ASCC3: variants seen among roughly 807,000 people sequenced by gnomAD.
ASCC3 encodes the protein activating signal cointegrator 1 complex subunit 3.
A neutral mutation model predicts 256.3 loss-of-function variants in ASCC3; 158 were observed. The observed-to-expected ratio is 0.62, with a 90% CI of 0.54 to 0.70. ASCC3 has a LOEUF of 0.70. Among genes scored for constraint, ASCC3 ranks in the 30% least tolerant of loss-of-function variants. ASCC3 has a pLI of 0.00. For synonymous variants in ASCC3, 948 were observed against 883.4 expected, an observed-to-expected ratio of 1.07 and a Z score of -1.30; for missense variants, 2,259 against 2,626.0, an observed-to-expected ratio of 0.86 and a Z score of 3.05.
rs371924783 is a variant in ASCC3, at chr6:100,589,606, G to A, written c.5550+28C>T. 76 of 1,611,916 alleles carry A rather than the reference G, an allele frequency of 4.7e-5. No homozygotes were observed. In the African/African-American group the frequency reaches 8.8e-4, roughly 19 times the overall value. ...AAACTTTAAGCCCTAAATTAAAAGAGAAGATATGAAATATATGAAAAACTC... is the reference window on the plus strand; with the variant it reads ...AAACTTTAAGCCCTAAATTAAAAGAAAAGATATGAAATATATGAAAAACTC... On this transcript the variant is annotated intron_variant, in intron 36 of 41. Coordinates refer to ENST00000369162, the MANE Select transcript of ASCC3 (RefSeq NM_006828.4).
At chr6:100,546,015 A>G (rs930364081) in intron 36 of ASCC3, among the ~76,000 whole-genome samples, 11 of 152,184 alleles carry the variant, frequency 7.2e-5, no homozygotes, top group African/African-American at 2.4e-4. Flanking sequence ...ATGACCATCA[A>G]TGTAGAAAGT....
intron 36 of ASCC3, among the ~76,000 whole-genome samples, chr6:100,552,232 G>C (rs1731434664): frequency 6.6e-6 from 1 of 151,746 alleles, no homozygotes; most frequent in Non-Finnish European, 1.5e-5. Context: ...ATTGAATTTT[G>C]TTCTACAGTT....
intron 10 of ASCC3, among the ~76,000 whole-genome samples, chr6:100,731,224 A>G (rs1779889764): frequency 6.6e-6 from 1 of 152,178 alleles, no homozygotes; most frequent in African/African-American, 2.4e-5. Context: ...TGAACATGTA[A>G]AAAAATACTT....
intron 14 of ASCC3, among the ~76,000 whole-genome samples, chr6:100,666,854 CA>C (rs1377080368): frequency 4.0e-5 from 6 of 148,706 alleles, no homozygotes; most frequent in South Asian, 2.1e-4. Flanking sequence ...CACTAACAGA[CA>C]AAAAAAAAGC....
At chr6:100,746,114 T>G (rs1031232691) in intron 10 of ASCC3, among the ~76,000 whole-genome samples, 10 of 86,796 alleles carry the variant, frequency 1.2e-4, no homozygotes, top group African/African-American at 4.0e-4. Flanking sequence ...CAGTTAACTT[T>G]CAGGTAAAAT....
rs1765510441 is a variant in ASCC3, at chr6:100,725,647, A to C, written c.1794T>G (p.Asp598Glu). The C allele has an allele frequency of 6.2e-7, 1 of 1,612,500 alleles. No individual in the cohort carries two copies. Residue 598 changes from aspartate (D) to glutamate (E), a missense_variant, in exon 11 of 42, where the codon GAT (aspartate) becomes GAG (glutamate). Asp to Glu is a conservative substitution (Grantham distance 45). Transcript: ENST00000369162. ...GCCTTACAATCTGGGAAAGAGCTACATCCCCAACACTCTTTCTTGTCACTA... is the reference window on the plus strand; with the variant it reads ...GCCTTACAATCTGGGAAAGAGCTACCTCCCCAACACTCTTTCTTGTCACTA... ...WDVVTRKSVG[D>E]VALSQIVRLL... is the part of the protein sequence containing the mutation.
chr6:100,645,552 A>C (rs1477975157), intron 22 of ASCC3, among the ~76,000 whole-genome samples: 1 of 152,082 alleles, frequency 6.6e-6, no homozygotes, highest in Non-Finnish European at 1.5e-5. Context: ...CTTTACAATA[A>C]CGTGTGAAAT....
chr6:100,646,522 G>A (rs1582627231), intron 22 of ASCC3, 93 bp downstream of exon 22: 1 of 1,329,158 alleles, frequency 7.5e-7, no homozygotes, highest in East Asian at 2.4e-5. Flanking sequence ...ATTCTTTTTA[G>A]AGGATTTTCT....
intron 3 of ASCC3, chr6:100,856,856 T>G (rs1280386131): frequency 2.7e-4 from 41 of 152,164 alleles, no homozygotes; most frequent in Admixed American, 2.7e-3. Context: ...ATGAACTGGG[T>G]TGTTTCTACA....
At chr6:100,729,424 T>A (rs1358758470) in intron 10 of ASCC3, among the ~76,000 whole-genome samples, 1 of 152,210 alleles carries the variant, frequency 6.6e-6, no homozygotes, top group Non-Finnish European at 1.5e-5. Flanking sequence ...ATGCTTCAGT[T>A]TTTCTTTAGT....
At position 100,515,314 on chromosome 6, in the gene ASCC3, G is replaced by A. The variant is rs146797124; in HGVS notation, c.6075+866C>T. Reference sequence around the variant, plus strand: ...TTTTGTGCCAATCTTGGGTTCAACAGAAACTGAACAGTCAATCAGACATTA... The same window carrying A: ...TTTTGTGCCAATCTTGGGTTCAACAAAAACTGAACAGTCAATCAGACATTA... On this transcript the variant is annotated intron_variant, in intron 39 of 41. Coordinates refer to ENST00000369162, the MANE Select transcript of ASCC3 (RefSeq NM_006828.4). Among the ~76,000 whole-genome samples, 17 of 152,172 alleles carry A rather than the reference G, an allele frequency of 1.1e-4. No homozygotes were observed. The East Asian group carries it at 3.3e-3, about 29-fold the overall frequency.
chr6:100,607,892 T>C (rs1282206160), intron 30 of ASCC3, among the ~76,000 whole-genome samples: 2 of 150,500 alleles, frequency 1.3e-5, no homozygotes, highest in Non-Finnish European at 3.0e-5. Context: ...TTTATATTTA[T>C]TGGCTGTTTT....
intron 36 of ASCC3, among the ~76,000 whole-genome samples, chr6:100,575,805 T>TA (rs1162892276): frequency 4.6e-5 from 7 of 152,010 alleles, no homozygotes; most frequent in East Asian, 3.9e-4. Flanking sequence ...CAGCATATTC[T>TA]AAAAAATCTG....
intron 3 of ASCC3, among the ~76,000 whole-genome samples, chr6:100,853,873 C>CAAATATGTA (rs1336513118): frequency 2.0e-5 from 3 of 152,082 alleles, no homozygotes; most frequent in Non-Finnish European, 4.4e-5. Flanking sequence ...TTTTCTTTTA[C>CAAATATGTA]AAATATGTAA....
intron 36 of ASCC3, among the ~76,000 whole-genome samples, chr6:100,571,020 T>A (rs1359965633): frequency 6.6e-6 from 1 of 152,116 alleles, no homozygotes; most frequent in Non-Finnish European, 1.5e-5. Flanking sequence ...TTTTTCACTA[T>A]CAGTAACATC....
At chr6:100,752,949 A>C (rs1781004262) in intron 10 of ASCC3, among the ~76,000 whole-genome samples, 1 of 152,136 alleles carries the variant, frequency 6.6e-6, no homozygotes, top group Non-Finnish European at 1.5e-5. Flanking sequence ...TTATCTGCTT[A>C]TTTTCCTTCT....
chr6:100,723,433 T>C (rs1324303640), intron 11 of ASCC3, among the ~76,000 whole-genome samples: 4 of 151,792 alleles, frequency 2.6e-5, no homozygotes, highest in South Asian at 2.1e-4. Flanking sequence ...AACTCTCCTA[T>C]GTTTTCTTCA....
chr6:100,774,208 A>G (rs1041382848), intron 8 of ASCC3, among the ~76,000 whole-genome samples: 12 of 152,314 alleles, frequency 7.9e-5, no homozygotes, highest in African/African-American at 2.9e-4. Flanking sequence ...CCCAGGCTGA[A>G]GCGCAGTGGA....
chr6:100,570,991 T>C (rs1301085614), intron 36 of ASCC3, among the ~76,000 whole-genome samples: 1 of 152,160 alleles, frequency 6.6e-6, no homozygotes, highest in African/African-American at 2.4e-5. Context: ...CAGTTCTCTA[T>C]AAAAAAGCTA....
Sources: allele counts gnomAD v4.1 joint callset (sites outside exome capture counted in the v4.1 genomes callset), GRCh38; gene constraint gnomAD v4.1.1; transcripts MANE v1.5; gene names NCBI Gene and HGNC (gene_info 2026-07-23, HGNC 2026-07-21).